PPM1E: variants seen among roughly 807,000 people sequenced by gnomAD.
PPM1E encodes the protein protein phosphatase, Mg2+/Mn2+ dependent 1E, also known as protein phosphatase 1E.
A neutral mutation model predicts 65.9 loss-of-function variants in PPM1E; 20 were observed. That is an observed-to-expected ratio of 0.30 (90% CI 0.21 to 0.44). The LOEUF (loss-of-function observed/expected upper bound fraction) is 0.44, where lower values mean the gene tolerates loss of function less well. Among genes scored for constraint, PPM1E ranks in the 20% least tolerant of loss-of-function variants. The pLI is 1.00. For missense variants in PPM1E, 713 were observed against 953.1 expected (o/e 0.75, Z 3.32); for synonymous variants, 352 against 374.9 (o/e 0.94, Z 0.70).
intron 2 of PPM1E, among the ~76,000 whole-genome samples, chr17:58,959,598 C>CA (rs199543161): frequency 1.5e-3 from 128 of 85,894 alleles, no homozygotes; most frequent in Middle Eastern, 0.015. Flanking sequence ...GACTCTGTCT[C>CA]AAAAAAAAAA....
intron 1 of PPM1E, among the ~76,000 whole-genome samples, chr17:58,838,278 A>G (rs570322187): frequency 5.3e-5 from 8 of 152,372 alleles, no homozygotes; most frequent in African/African-American, 1.9e-4. Flanking sequence ...TGCAAAACAC[A>G]TATCTGATAA....
intron 1 of PPM1E, among the ~76,000 whole-genome samples, chr17:58,846,712 A>G (rs2050775600): frequency 6.6e-6 from 1 of 152,154 alleles, no homozygotes; most frequent in Non-Finnish European, 1.5e-5. Context: ...GCTATTGTGA[A>G]TAGTGCCACA....
At chr17:58,935,971 C>A (rs372908539) in intron 1 of PPM1E, among the ~76,000 whole-genome samples, 3 of 148,302 alleles carry the variant, frequency 2.0e-5, no homozygotes, top group South Asian at 4.4e-4. Context: ...TCTCTCCCCC[C>A]TCCCGCCACC....
intron 1 of PPM1E, among the ~76,000 whole-genome samples, chr17:58,768,023 T>A (rs1201693307): frequency 6.6e-6 from 1 of 152,054 alleles, no homozygotes; most frequent in Non-Finnish European, 1.5e-5. Context: ...CGATCTTGGC[T>A]CACTGCAGCC....
In PPM1E at chr17:58,928,248, G is replaced by C. The variant is rs528242480; in HGVS notation, c.465-27401G>C. 6.4e-4 allele frequency among the ~76,000 whole-genome samples: 98 copies of C among 152,058 alleles called. 1 individual carries two copies. Among genetic ancestry groups the C allele is most frequent in the African/African-American group, 2.2e-3 (92 of 41,492 alleles). On this transcript the variant is annotated intron_variant, in intron 1 of 6. Coordinates refer to ENST00000308249, the MANE Select transcript of PPM1E (RefSeq NM_014906.5). ...CCCTGTTTCCAAAAGAAAAAAAGAAGATTCGCTTTATCTGGCAGATACAAC... is the reference window on the plus strand; with the variant it reads ...CCCTGTTTCCAAAAGAAAAAAAGAACATTCGCTTTATCTGGCAGATACAAC...
At chr17:58,788,950 G>C (rs1235894131) in intron 1 of PPM1E, among the ~76,000 whole-genome samples, 1 of 152,170 alleles carries the variant, frequency 6.6e-6, no homozygotes, top group Non-Finnish European at 1.5e-5. Flanking sequence ...CACCTAAGCA[G>C]CCAGATTAGC....
intron 2 of PPM1E, among the ~76,000 whole-genome samples, chr17:58,964,658 T>C (rs2030156117): frequency 6.6e-6 from 1 of 152,194 alleles, no homozygotes; most frequent in Non-Finnish European, 1.5e-5. Flanking sequence ...AATTTTTCCT[T>C]AGAGTAGTAT....
chr17:58,895,138 T>G (rs1195581622), intron 1 of PPM1E, among the ~76,000 whole-genome samples: 1 of 152,162 alleles, frequency 6.6e-6, no homozygotes, highest in African/African-American at 2.4e-5. Flanking sequence ...ATTGTAATTT[T>G]GGGGGGTGGC....
chr17:58,950,969 G>A (rs1312027424), intron 1 of PPM1E, among the ~76,000 whole-genome samples: 8 of 151,820 alleles, frequency 5.3e-5, no homozygotes, highest in African/African-American at 2.4e-5. Context: ...TAGTAGAGAC[G>A]GGGTTTCACT....
intron 6 of PPM1E, among the ~76,000 whole-genome samples, chr17:58,976,741 A>T (rs2031021573): frequency 6.6e-6 from 1 of 152,226 alleles, no homozygotes; most frequent in African/African-American, 2.4e-5. Context: ...AGCAGGTGAA[A>T]AGCCAGAACT....
chr17:58,963,821 G>A (rs1340637177), intron 2 of PPM1E, among the ~76,000 whole-genome samples: 11 of 152,080 alleles, frequency 7.2e-5, no homozygotes, highest in African/African-American at 2.7e-4. Context: ...CCCAGGAAGT[G>A]GAGGTTGCAG....
intron 1 of PPM1E, among the ~76,000 whole-genome samples, chr17:58,855,831 A>G (rs1476453995): frequency 6.6e-6 from 1 of 152,192 alleles, no homozygotes; most frequent in Non-Finnish European, 1.5e-5. Context: ...TTGGTTACCA[A>G]TTCTTGCTTG....
intron 1 of PPM1E, among the ~76,000 whole-genome samples, chr17:58,759,781 G>T (rs1335208682): frequency 1.3e-5 from 2 of 152,182 alleles, no homozygotes; most frequent in African/African-American, 4.8e-5. Flanking sequence ...TTTAAAAATG[G>T]CTTGGAAAAG....
chr17:58,814,689 G>C (rs2050399384), intron 1 of PPM1E, among the ~76,000 whole-genome samples: 1 of 152,156 alleles, frequency 6.6e-6, no homozygotes, highest in Non-Finnish European at 1.5e-5. Context: ...TAAAGAGCCA[G>C]ATAGAAAATA....
intron 1 of PPM1E, among the ~76,000 whole-genome samples, chr17:58,783,892 G>A (rs12942879): frequency 0.25 from 37,566 of 151,304 alleles, 5,412 homozygotes; most frequent in Middle Eastern, 0.42. Flanking sequence ...TGTATTTTTA[G>A]TAGAGACAGG....
At chr17:58,871,327 CT>C (rs1405982602) in intron 1 of PPM1E, among the ~76,000 whole-genome samples, 1 of 152,036 alleles carries the variant, frequency 6.6e-6, no homozygotes, top group Non-Finnish European at 1.5e-5. Flanking sequence ...GGCATTGAGC[CT>C]CCGTGCCTGG....
At chr17:58,794,958 G>A (rs567312083) in intron 1 of PPM1E, among the ~76,000 whole-genome samples, 10 of 146,248 alleles carry the variant, frequency 6.8e-5, no homozygotes, top group African/African-American at 2.5e-4. Flanking sequence ...GCATGATCTT[G>A]GCTCACTGCA....
At chr17:58,941,885 A>G (rs1284851206) in intron 1 of PPM1E, among the ~76,000 whole-genome samples, 1 of 139,344 alleles carries the variant, frequency 7.2e-6, no homozygotes, top group Non-Finnish European at 1.6e-5. Context: ...GGCACCTGTA[A>G]TCCCAGCTAC....
At chr17:58,858,301 T>G (rs1271248880) in intron 1 of PPM1E, among the ~76,000 whole-genome samples, 2 of 152,178 alleles carry the variant, frequency 1.3e-5, no homozygotes, top group African/African-American at 2.4e-5. Context: ...TGTTTATCAT[T>G]TCTTTGTGTT....
Sources: gnomAD v4.1 joint callset for allele counts (sites outside exome capture counted in the v4.1 genomes callset) on GRCh38, gnomAD v4.1.1 for gene constraint, MANE v1.5 for transcripts, NCBI Gene and HGNC (gene_info 2026-07-23, HGNC 2026-07-21) for gene names.